The following NUTM1 variants were observed in gnomAD, a reference collection of about 807,000 sequenced individuals.
NUTM1 encodes NUT family member 1.
In NUTM1, 39 loss-of-function variants were observed where a neutral mutation model predicts 88.7. That is an observed-to-expected ratio of 0.44 (90% CI 0.34 to 0.57). The LOEUF (loss-of-function observed/expected upper bound fraction) is 0.57, where lower values mean the gene tolerates loss of function less well. NUTM1 is among the 20% of genes least tolerant of loss of function. NUTM1 has a pLI of 0.01. For missense variants in NUTM1, 1,350 were observed against 1,414.5 expected (o/e 0.95, Z 0.73); for synonymous variants, 494 against 538.0 (o/e 0.92, Z 1.13).
At position 34,356,352 on chromosome 15, in the gene NUTM1, G is replaced by C; in HGVS notation, c.2344G>C (p.Glu782Gln). 6.2e-7 allele frequency: 1 copy of C among 1,613,942 alleles called. No homozygotes were observed. The highest frequency in any genetic ancestry group is 1.1e-5 in the South Asian group (1 of 91,028). The change falls in exon 8 of 8, where the codon GAG (glutamate) becomes CAG (glutamine). Residue 782 changes from glutamate to glutamine, a missense_variant. Glu to Gln is a conservative substitution (Grantham distance 29, BLOSUM62 2). Transcript: ENST00000537011. ...ESFQVEKCVT[E>Q]YQEGCQGLGS... ...CTTCCAAGTTGAGAAGTGTGTAACT[G>C]AGTATCAGGAAGGCTGCCAGGGACT...
At chr15:34,353,917 A>C in intron 5 of NUTM1, 45 bp downstream of exon 5, 1 of 1,606,600 alleles carries the variant, frequency 6.2e-7, no homozygotes. Flanking sequence ...CAAAGGCTCA[A>C]AGGGATGCAT....
chr15:34,350,860 G>C (rs755416801), intron 4 of NUTM1, 28 bp downstream of exon 4: 23 of 1,613,338 alleles, frequency 1.4e-5, no homozygotes, highest in Non-Finnish European at 1.9e-5. Flanking sequence ...TCATTCTCCT[G>C]AGGGAGGCTG....
chr15:34,348,867 A>G (rs1418203714), intron 3 of NUTM1, among the ~76,000 whole-genome samples, 190 bp downstream of exon 3: 1 of 152,038 alleles, frequency 6.6e-6, no homozygotes, highest in Non-Finnish European at 1.5e-5. Flanking sequence ...GTTTATAACA[A>G]CCTTTCAGGT....
At position 34,357,249 on chromosome 15, in the gene NUTM1, C is replaced by T; in HGVS notation, c.3241C>T (p.His1081Tyr). 6.2e-7 allele frequency: 1 copy of T among 1,614,094 alleles called. No individual in the cohort carries two copies. Among genetic ancestry groups the T allele is most frequent in the Non-Finnish European group, 8.5e-7 (1 of 1,179,996 alleles). ...SGGQGSQRAS[H>Y]LLPAGAKGPS... ...AGGTCAGGGCAGCCAGAGAGCATCC[C>T]ACCTGCTCCCTGCTGGAGCAAAAGG... Residue 1081 changes from histidine (H) to tyrosine (Y), a missense_variant, in exon 8 of 8, where the codon CAC (histidine) becomes TAC (tyrosine). By Grantham distance (83) the His-to-Tyr change is moderately conservative. Coordinates refer to ENST00000537011, the MANE Select transcript of NUTM1 (RefSeq NM_001284292.2).
chr15:34,350,446 T>G (rs111933058), intron 3 of NUTM1, among the ~76,000 whole-genome samples: 4 of 152,300 alleles, frequency 2.6e-5, no homozygotes, highest in African/African-American at 9.6e-5. Flanking sequence ...TAGTTGCCAT[T>G]GATTTTAAAA....
chr15:34,354,340 A>G (rs1890759682), intron 5 of NUTM1, 106 bp from the exon 6 acceptor site: 2 of 1,229,776 alleles, frequency 1.6e-6, no homozygotes, highest in Non-Finnish European at 2.4e-6. Flanking sequence ...TTTCTGTGCT[A>G]CTTCCCATTC....
chr15:34,356,885 A>G lies in NUTM1; in HGVS notation c.2877A>G (p.Gln959=), dbSNP rs766743146. The G allele has an allele frequency of 1.2e-6, 2 of 1,613,102 alleles. No individual in the cohort carries two copies. Among genetic ancestry groups the G allele is most frequent in the African/African-American group, 2.7e-5 (2 of 74,536 alleles). The change falls in exon 8 of 8, where the codon CAA becomes CAG. Residue 959 remains glutamine (Q), a synonymous_variant. Transcript: ENST00000537011. ...TGAATGTTCATTCTTATGACCCCCA[A>G]GGAGAAGGCAGGGTGGATCCTGATC... ...CPLNVHSYDP[Q]GEGRVDPDLS...
rs756123096 is a variant in NUTM1 at position 34,355,173 on chromosome 15, G to A, written c.1479+36G>A. On this transcript the variant is annotated intron_variant, in intron 7 of 7. Coordinates refer to ENST00000537011, the MANE Select transcript of NUTM1 (RefSeq NM_001284292.2). The surrounding 1 kb of genome is among the most constrained non-coding windows in gnomAD (Gnocchi z 4.3). ...GGTATAGGAAATATGAGAACGAGAA[G>A]CTTGCAAGATTTTATCTAACCCTAC... 1 of 1,357,594 alleles carries A rather than the reference G, an allele frequency of 7.4e-7. No homozygotes were observed. Among genetic ancestry groups the A allele is most frequent in the South Asian group, 1.2e-5 (1 of 85,600 alleles). 84.1% of individuals were successfully genotyped at this position (1,357,594 alleles called of 1,614,324 possible). A position where few individuals can be genotyped will look rare whatever the true frequency, so the allele number is the denominator to read the frequency against.
chr15:34,349,486 TGC>T (rs1402969474), intron 3 of NUTM1, among the ~76,000 whole-genome samples: 9 of 152,200 alleles, frequency 5.9e-5, no homozygotes, highest in Non-Finnish European at 1.2e-4. Flanking sequence ...AAAACGTCCT[TGC>T]TTAAGAGCGA....
At chr15:34,344,211 G>GA (rs201145800) in intron 1 of NUTM1, among the ~76,000 whole-genome samples, 7 of 132,388 alleles carry the variant, frequency 5.3e-5, no homozygotes, top group East Asian at 2.3e-4. Context: ...CCGTCTTAAA[G>GA]AAAAAAAAAT....
chr15:34,344,743 C>A (rs1890554034), intron 1 of NUTM1, among the ~76,000 whole-genome samples: 1 of 152,022 alleles, frequency 6.6e-6, no homozygotes. Flanking sequence ...AAAGGCCGGG[C>A]ACGGTGGCTC....
chr15:34,350,602 A>G (rs1890686199), intron 3 of NUTM1, 102 bp from the exon 4 acceptor site: 3 of 1,435,304 alleles, frequency 2.1e-6, no homozygotes, highest in Non-Finnish European at 1.9e-6. Flanking sequence ...AAGGGGCACA[A>G]TAGATTTGAT....
At chr15:34,352,645 A>G (rs1890729810) in intron 4 of NUTM1, among the ~76,000 whole-genome samples, 1 of 146,148 alleles carries the variant, frequency 6.8e-6, no homozygotes, top group Admixed American at 6.8e-5. Context: ...AAAAATACAA[A>G]AAAAAAAAAA....
At chr15:34,346,727 A>G (rs1490995236) in intron 2 of NUTM1, among the ~76,000 whole-genome samples, 1 of 145,374 alleles carries the variant, frequency 6.9e-6, no homozygotes, top group Non-Finnish European at 1.5e-5. Context: ...TCCTAAAAAT[A>G]CAAAAATTAG....
chr15:34,343,535 T>G lies in NUTM1; in HGVS notation c.-162T>G. On this transcript the variant is annotated 5_prime_UTR_variant, in exon 1 of 8. Coordinates refer to ENST00000537011, the MANE Select transcript of NUTM1 (RefSeq NM_001284292.2). ...TCCCCTCTTTTACATCCAGTTCCCCTGCTCCATTTCAAAGCGTTGGCGGTA... is the reference window on the plus strand; with the variant it reads ...TCCCCTCTTTTACATCCAGTTCCCCGGCTCCATTTCAAAGCGTTGGCGGTA... 1 of 1,503,374 alleles carries G rather than the reference T, an allele frequency of 6.7e-7. No homozygotes were observed. The highest frequency in any genetic ancestry group is 8.9e-7 in the Non-Finnish European group (1 of 1,120,890). 93.1% of individuals were successfully genotyped at this position (1,503,374 alleles called of 1,614,324 possible).
chr15:34,348,062 C>T lies in NUTM1; in HGVS notation c.194C>T (p.Pro65Leu). The T allele has an allele frequency of 3.1e-6, 5 of 1,614,132 alleles. No homozygotes were observed. The highest frequency in any genetic ancestry group is 1.3e-5 in the African/African-American group (1 of 75,040). Residue 65 changes from proline (P) to leucine (L), a missense_variant, in exon 3 of 8, where the codon CCA (proline) becomes CTA (leucine). Pro to Leu is a moderately conservative substitution (Grantham distance 98). Coordinates refer to ENST00000537011, the MANE Select transcript of NUTM1 (RefSeq NM_001284292.2). Reference sequence around the variant, plus strand: ...CCCTTTCTCCCACCAACTTCTGACCCACCAGACCACCCACCCAGGGAGCCA... The same window carrying T: ...CCCTTTCTCCCACCAACTTCTGACCTACCAGACCACCCACCCAGGGAGCCA... ...ALPFLPPTSD[P>L]PDHPPREPPP...
In NUTM1 at chr15:34,354,518, C is replaced by A; in HGVS notation, c.1148C>A (p.Pro383His). 8 of 1,614,188 alleles carry A rather than the reference C, an allele frequency of 5.0e-6. No homozygotes were observed. Among genetic ancestry groups the A allele is most frequent in the Non-Finnish European group, 6.8e-6 (8 of 1,180,022 alleles). Residue 383 changes from proline to histidine, a missense_variant, in exon 6 of 8, where the codon CCT becomes CAT. Physicochemically the swap from Pro to His is moderately conservative, Grantham distance 77. Coordinates refer to ENST00000537011, the MANE Select transcript of NUTM1 (RefSeq NM_001284292.2). ...CGTCAGCGTAAAGCCCAGAGACCTC[C>A]TGCTCCTGAGGCACCCAAGGAGATC... Reference protein sequence around the residue: ...RRRQRKAQRPPAPEAPKEIPP... With the variant: ...RRRQRKAQRPHAPEAPKEIPP...
intron 4 of NUTM1, among the ~76,000 whole-genome samples, chr15:34,351,887 A>AG (rs1295871089): frequency 4.0e-5 from 6 of 150,708 alleles, no homozygotes; most frequent in Admixed American, 3.3e-4. Flanking sequence ...AAAAAAAAAA[A>AG]AGGCTAGGCG....
rs1191175735 is a variant in NUTM1, at chr15:34,345,969, C to T, written c.34C>T (p.Leu12Phe). ...TACTCTGGGTCCTGGACCTGACTGCCTCATTCTGGAGGCTTCCAGACAGCC... is the reference window on the plus strand; with the variant it reads ...TACTCTGGGTCCTGGACCTGACTGCTTCATTCTGGAGGCTTCCAGACAGCC... ...VVTLGPGPDC[L>F]ILEASRQPQL... The change falls in exon 2 of 8, where the codon CTC becomes TTC. Residue 12 changes from leucine (L) to phenylalanine (F), a missense_variant. Physicochemically the swap from Leu to Phe is conservative, Grantham distance 22. This residue lies in a region of NUTM1 where 399 missense variants were observed against 397.9 expected (regional missense o/e 1.00). Transcript: ENST00000537011. 5 of 1,614,024 alleles carry T rather than the reference C, an allele frequency of 3.1e-6. No homozygotes were observed. The African/African-American group carries it at 5.3e-5, about 17-fold the overall frequency.
Sources: allele counts gnomAD v4.1 joint callset (sites outside exome capture counted in the v4.1 genomes callset), GRCh38; gene constraint gnomAD v4.1.1; regional missense constraint gnomAD v4.1.1; non-coding constraint Gnocchi (gnomAD v3.1); transcripts MANE v1.5; gene names NCBI Gene and HGNC (gene_info 2026-07-23, HGNC 2026-07-21).